HS2ST1: variants seen among roughly 807,000 people sequenced by gnomAD.
HS2ST1 encodes the protein 2-O-sulfotransferase.
HS2ST1 carries 18 observed loss-of-function variants against 42.9 expected under a neutral mutation model. That is an observed-to-expected ratio of 0.42 (90% CI 0.29 to 0.62). The LOEUF is 0.62. Ranked by LOEUF, HS2ST1 falls within the 20% of genes least tolerant of loss-of-function variation. The pLI is 0.21. For synonymous variants in HS2ST1, 146 were observed against 152.9 expected, an observed-to-expected ratio of 0.95 and a Z score of 0.33; for missense variants, 334 against 433.8, an observed-to-expected ratio of 0.77 and a Z score of 2.04.
chr1:87,029,125 G>A (rs1391938731), intron 1 of HS2ST1, among the ~76,000 whole-genome samples: 2 of 152,044 alleles, frequency 1.3e-5, no homozygotes. Flanking sequence ...ATTTATCCCT[G>A]GAATGCAGGG....
chr1:86,950,632 G>T (rs1351979727), intron 1 of HS2ST1, among the ~76,000 whole-genome samples: 7 of 152,130 alleles, frequency 4.6e-5, no homozygotes, highest in Non-Finnish European at 4.4e-5. Flanking sequence ...GACATATTTA[G>T]GAGTGAAATG....
chr1:86,981,915 G>A (rs943856135), intron 1 of HS2ST1, among the ~76,000 whole-genome samples: 6 of 152,222 alleles, frequency 3.9e-5, no homozygotes, highest in South Asian at 2.1e-4. Context: ...TTTCCACACC[G>A]TCCTAGCAGA....
chr1:87,010,060 A>C (rs537945198), intron 1 of HS2ST1, among the ~76,000 whole-genome samples: 49 of 151,776 alleles, frequency 3.2e-4, no homozygotes, highest in African/African-American at 1.1e-3. Context: ...CAAAACAAAA[A>C]AAAAAACAAA....
At chr1:86,952,162 C>T (rs1468543356) in intron 1 of HS2ST1, among the ~76,000 whole-genome samples, 4 of 152,120 alleles carry the variant, frequency 2.6e-5, no homozygotes, top group Non-Finnish European at 4.4e-5. Flanking sequence ...CTTTCTAGAA[C>T]GTTTTCAGTT....
intron 1 of HS2ST1, among the ~76,000 whole-genome samples, chr1:87,007,452 T>C (rs1649473575): frequency 1.3e-5 from 2 of 152,100 alleles, no homozygotes; most frequent in South Asian, 4.1e-4. Flanking sequence ...TAAGTTATTA[T>C]AGAGGATGCA....
chr1:87,093,761 G>A (rs1652000746), intron 4 of HS2ST1, among the ~76,000 whole-genome samples: 1 of 152,086 alleles, frequency 6.6e-6, no homozygotes, highest in South Asian at 2.1e-4. Context: ...AGTGATGCCA[G>A]ATACTTGGTA....
chr1:87,087,019 T>C (rs1343420661), intron 3 of HS2ST1, among the ~76,000 whole-genome samples: 2 of 152,098 alleles, frequency 1.3e-5, no homozygotes, highest in Admixed American at 6.6e-5. Flanking sequence ...TTGAGTAAGT[T>C]GCAGTTCTTG....
chr1:87,058,396 G>GA (rs1405857678), intron 1 of HS2ST1, among the ~76,000 whole-genome samples: 1 of 151,712 alleles, frequency 6.6e-6, no homozygotes, highest in Non-Finnish European at 1.5e-5. Flanking sequence ...AGTATTTCAA[G>GA]AGACTGTTAG....
At chr1:87,008,952 G>A (rs1049770885) in intron 1 of HS2ST1, among the ~76,000 whole-genome samples, 4 of 151,898 alleles carry the variant, frequency 2.6e-5, no homozygotes, top group African/African-American at 4.8e-5. Context: ...CAAGTGATCC[G>A]CCTGCCTCAG....
rs371804814 is a variant in HS2ST1 at position 86,916,750 on chromosome 1, C to T, written c.124+1590C>T. On this transcript the variant is annotated intron_variant, in intron 1 of 6. Transcript: ENST00000370550. Reference sequence around the variant, plus strand: ...TCATATTCTGGCGTTATTAATGATCCAGCTCTACAGAAAAAAAGACTCCTC... The same window carrying T: ...TCATATTCTGGCGTTATTAATGATCTAGCTCTACAGAAAAAAAGACTCCTC... Among the ~76,000 whole-genome samples the T allele has an allele frequency of 8.2e-4, 125 of 152,112 alleles. No individual in the cohort carries two copies. In the East Asian group the frequency reaches 0.022, roughly 27 times the overall value.
chr1:87,026,561 A>G lies in HS2ST1; in HGVS notation c.125-46373A>G, dbSNP rs150625914. Among the ~76,000 whole-genome samples the G allele has an allele frequency of 3.1e-3, 467 of 152,306 alleles. 1 individual carries two copies. Among genetic ancestry groups the G allele is most frequent in the African/African-American group, 0.01 (433 of 41,578 alleles). ...AGTTTTTGTTAAATAGGAAATATCT[A>G]ATTATATAAAAAACGGGATATATTG... On this transcript the variant is annotated intron_variant, in intron 1 of 6. Transcript: ENST00000370550.
chr1:86,937,266 C>T (rs1660677397), intron 1 of HS2ST1, among the ~76,000 whole-genome samples: 1 of 152,130 alleles, frequency 6.6e-6, no homozygotes, highest in Non-Finnish European at 1.5e-5. Flanking sequence ...CTCCCTCCTT[C>T]CTTCCAGAGG....
chr1:87,009,729 A>G (rs1279390791), intron 1 of HS2ST1, among the ~76,000 whole-genome samples: 2 of 152,068 alleles, frequency 1.3e-5, no homozygotes, highest in Non-Finnish European at 2.9e-5. Flanking sequence ...GACCTGTGTC[A>G]TGGCTCTTAA....
intron 1 of HS2ST1, among the ~76,000 whole-genome samples, chr1:86,917,298 C>T (rs1226429112): frequency 6.6e-6 from 1 of 152,174 alleles, no homozygotes; most frequent in Non-Finnish European, 1.5e-5. Context: ...GCCGGCGGAT[C>T]ATTTGAGGTC....
intron 1 of HS2ST1, among the ~76,000 whole-genome samples, chr1:86,994,365 T>C (rs1303148500): frequency 6.6e-6 from 1 of 152,232 alleles, no homozygotes; most frequent in Non-Finnish European, 1.5e-5. Flanking sequence ...GTGTATGCTA[T>C]GTAGAGAAAT....
chr1:87,002,332 C>T (rs1001180748), intron 1 of HS2ST1, among the ~76,000 whole-genome samples: 1 of 152,164 alleles, frequency 6.6e-6, no homozygotes, highest in African/African-American at 2.4e-5. Flanking sequence ...ATGGCTCACG[C>T]TTGTAGTCCC....
chr1:87,017,156 C>T (rs974443994), intron 1 of HS2ST1, among the ~76,000 whole-genome samples: 18 of 151,520 alleles, frequency 1.2e-4, no homozygotes, highest in African/African-American at 3.6e-4. Context: ...TTCTTTTTTG[C>T]GACGGAATCT....
At chr1:87,076,738 C>CCATACCATGGCTAA (rs146795633) in intron 2 of HS2ST1, among the ~76,000 whole-genome samples, 3,671 of 152,158 alleles carry the variant, frequency 0.024, 48 homozygotes, top group South Asian at 0.057. Flanking sequence ...ATGTGTTTAG[C>CCATACCATGGCTAA]CATACCATAT....
At position 87,005,586 on chromosome 1, in the gene HS2ST1, T is replaced by A. The variant is rs1473423594; in HGVS notation, c.125-67348T>A. ...AATTGTGGATTCAATAATTAATGAT[T>A]AAATGAATGTATACATTTTGAATGC... On this transcript the variant is annotated intron_variant, in intron 1 of 6. Transcript: ENST00000370550. 2.0e-5 allele frequency among the ~76,000 whole-genome samples: 3 copies of A among 152,170 alleles called. No individual in the cohort carries two copies. The East Asian group carries it at 5.8e-4, about 29-fold the overall frequency.
Sources: gnomAD v4.1 joint callset for allele counts (sites outside exome capture counted in the v4.1 genomes callset) on GRCh38, gnomAD v4.1.1 for gene constraint, MANE v1.5 for transcripts, NCBI Gene and HGNC (gene_info 2026-07-23, HGNC 2026-07-21) for gene names.